ATM: variants seen among roughly 807,000 people sequenced by gnomAD.
ATM encodes the protein ATM serine/threonine kinase.
Under a neutral mutation model 387.0 loss-of-function variants are expected in ATM, and 308 were observed. The observed-to-expected ratio is 0.80, with a 90% CI of 0.73 to 0.87. The LOEUF is 0.87. ATM is among the 40% of genes least tolerant of loss of function. The probability of loss-of-function intolerance (pLI) is 0.00; values close to 1 mark genes in which losing one functional copy is unlikely to be tolerated. For synonymous variants in ATM, 1,156 were observed against 1,187.3 expected (o/e 0.97, Z 0.54); for missense variants, 3,312 against 3,560.9 (o/e 0.93, Z 1.78).
In ATM at chr11:108,247,145, T is replaced by A. The variant is rs774940342; in HGVS notation, c.1065+18T>A. The A allele has an allele frequency of 1.2e-6, 2 of 1,613,138 alleles. No individual in the cohort carries two copies. The highest frequency in any genetic ancestry group is 2.2e-5 in the East Asian group (1 of 44,798). On this transcript the variant is annotated intron_variant, in intron 8 of 62. Transcript: ENST00000675843. Reference sequence around the variant, plus strand: ...GTCACCAGGTACAGTAAGTAGGTCATGTCACATTTAGAAATTTCCTGTTAA... The same window carrying A: ...GTCACCAGGTACAGTAAGTAGGTCAAGTCACATTTAGAAATTTCCTGTTAA...
chr11:108,283,122 A>T (rs532219623), intron 25 of ATM, among the ~76,000 whole-genome samples: 2 of 152,308 alleles, frequency 1.3e-5, no homozygotes, highest in South Asian at 4.1e-4. Context: ...AACCACATAA[A>T]GACCCTCTAT....
At chr11:108,312,774 C>T (rs2084288610) in intron 40 of ATM, among the ~76,000 whole-genome samples, 1 of 152,130 alleles carries the variant, frequency 6.6e-6, no homozygotes, top group Non-Finnish European at 1.5e-5. Context: ...TGCCATAGCA[C>T]CCTGTTCATT....
rs1030136462 is a variant in ATM, at chr11:108,368,058, A to G, written c.*2550A>G. On this transcript the variant is annotated 3_prime_UTR_variant, in exon 63 of 63. Coordinates refer to ENST00000675843, the MANE Select transcript of ATM (RefSeq NM_000051.4). ...CAGAGAGCTTTGAATAACATCATTA[A>G]TCTACTCTTTAGCCTTGCATGGTAT... 1 of 208,166 alleles carries G rather than the reference A, an allele frequency of 4.8e-6. No homozygotes were observed. The allele number at this position is 208,166 out of a possible 1,614,324, so 12.9% of individuals were successfully genotyped here.
At chr11:108,243,206 A>G (rs1182426168) in intron 5 of ATM, among the ~76,000 whole-genome samples, 1 of 152,206 alleles carries the variant, frequency 6.6e-6, no homozygotes, top group East Asian at 1.9e-4. Flanking sequence ...GTGACAGAGT[A>G]AGACTCTACC....
In ATM at chr11:108,229,254, G is replaced by A. The variant is rs1591451921; in HGVS notation, c.262G>A (p.Ala88Thr). Reference protein sequence around the residue: ...AKPNVSASTQASRQKKMQEIS... With the variant: ...AKPNVSASTQTSRQKKMQEIS... ...ACCAAATGTATCAGCCTCAACACAA[G>A]CCTCCAGGCAGAAAAAGATGCAGGA... The change falls in exon 4 of 63, where the codon GCC (alanine) becomes ACC (threonine). Residue 88 changes from alanine to threonine, a missense_variant. This residue lies in a region of ATM where 1,791 missense variants were observed against 1,804.5 expected (regional missense o/e 0.99). Coordinates refer to ENST00000675843, the MANE Select transcript of ATM (RefSeq NM_000051.4). 2 of 1,613,630 alleles carry A rather than the reference G, an allele frequency of 1.2e-6. No individual in the cohort carries two copies. Among genetic ancestry groups the A allele is most frequent in the Non-Finnish European group, 1.7e-6 (2 of 1,179,822 alleles).
In ATM at chr11:108,246,942, A is replaced by C. The variant is rs766650801; in HGVS notation, c.902-22A>C. On this transcript the variant is annotated intron_variant, in intron 7 of 62. Transcript: ENST00000675843. ...AACAGAGTACATACATAAAAATTAC[A>C]TTTTAATTTTTTGGATTACAGGTGC... The C allele has an allele frequency of 8.8e-6, 14 of 1,585,250 alleles. No homozygotes were observed. Among genetic ancestry groups the C allele is most frequent in the Non-Finnish European group, 1.2e-5 (14 of 1,156,582 alleles).
intron 26 of ATM, among the ~76,000 whole-genome samples, chr11:108,285,878 T>TGA (rs2082465338): frequency 6.6e-6 from 1 of 152,164 alleles, no homozygotes; most frequent in South Asian, 2.1e-4. Flanking sequence ...TTACTATTCT[T>TGA]TTCTTAATGT....
At chr11:108,319,455 C>A (rs771838520) in intron 43 of ATM, among the ~76,000 whole-genome samples, 1 of 152,218 alleles carries the variant, frequency 6.6e-6, no homozygotes, top group Middle Eastern at 3.4e-3. Context: ...TCTTTTCATT[C>A]GGACCCTAGT....
rs786202933 is a variant in ATM, at chr11:108,353,809, A to G, written c.8715A>G (p.Thr2905=). 6.2e-7 allele frequency: 1 copy of G among 1,614,136 alleles called. No homozygotes were observed. Among genetic ancestry groups the G allele is most frequent in the Admixed American group, 1.7e-5 (1 of 60,018 alleles). Reference sequence around the variant, plus strand: ...GCAAAATCCTTCCTACTCCTGAGACAGTTCCTTTTAGACTCACCAGAGATA... The same window carrying G: ...GCAAAATCCTTCCTACTCCTGAGACGGTTCCTTTTAGACTCACCAGAGATA... The part of the protein sequence containing the change: ...EQGKILPTPE[T]VPFRLTRDIV... The change falls in exon 60 of 63, where the codon ACA becomes ACG. Residue 2905 remains threonine, a synonymous_variant. Transcript: ENST00000675843.
intron 38 of ATM, 199 bp downstream of exon 38, chr11:108,308,183 T>G (rs1591733978): frequency 1.7e-6 from 1 of 598,222 alleles, no homozygotes; most frequent in East Asian, 3.0e-5. Flanking sequence ...CTCTCAATTC[T>G]AGTACCAGCT....
intron 7 of ATM, among the ~76,000 whole-genome samples, chr11:108,245,562 T>C (rs2079805879): frequency 6.6e-6 from 1 of 152,136 alleles, no homozygotes; most frequent in Non-Finnish European, 1.5e-5. Flanking sequence ...GTATCACTTG[T>C]TAAGGAGAAT....
intron 10 of ATM, 57 bp downstream of exon 10, chr11:108,251,129 C>A (rs2080128123): frequency 1.2e-6 from 2 of 1,606,432 alleles, no homozygotes; most frequent in East Asian, 2.2e-5. Flanking sequence ...GACACACACA[C>A]ACTCACATAT....
intron 48 of ATM, among the ~76,000 whole-genome samples, 156 bp downstream of exon 48, chr11:108,327,914 T>C (rs539331836): frequency 1.3e-5 from 2 of 152,210 alleles, no homozygotes; most frequent in African/African-American, 2.4e-5. Flanking sequence ...TAGGGTGGAG[T>C]GAAACATTGT....
chr11:108,254,099 G>A (rs895785867), intron 13 of ATM, 60 bp downstream of exon 13: 3 of 1,538,074 alleles, frequency 2.0e-6, no homozygotes, highest in African/African-American at 2.7e-5. Context: ...TAAACTGTTA[G>A]GAAGGAGAAA....
In ATM at chr11:108,332,490, A is replaced by G. The variant is rs147859136; in HGVS notation, c.7789-272A>G. On this transcript the variant is annotated intron_variant, in intron 52 of 62. Coordinates refer to ENST00000675843, the MANE Select transcript of ATM (RefSeq NM_000051.4). ...GTTCAAAATTCCTTAATATTTGTCA[A>G]AGCATAGGAGATACCAGTAGTAGTT... Among the ~76,000 whole-genome samples, 1,228 of 152,242 alleles carry G rather than the reference A, an allele frequency of 8.1e-3. 9 individuals carry two copies. The highest frequency in any genetic ancestry group is 0.025 in the African/African-American group (1,051 of 41,526).
intron 61 of ATM, among the ~76,000 whole-genome samples, chr11:108,361,197 A>G (rs1208322184): frequency 1.8e-5 from 2 of 108,476 alleles, no homozygotes; most frequent in East Asian, 5.0e-4. Context: ...CCCATTCACA[A>G]TTGCTTCAAA....
At chr11:108,274,912 C>T (rs2081853414) in intron 22 of ATM, among the ~76,000 whole-genome samples, 1 of 152,134 alleles carries the variant, frequency 6.6e-6, no homozygotes, top group South Asian at 2.1e-4. Flanking sequence ...GGTTCAAGTC[C>T]TGAATATCCT....
chr11:108,228,907 A>C (rs2078869767), intron 3 of ATM, among the ~76,000 whole-genome samples: 1 of 152,226 alleles, frequency 6.6e-6, no homozygotes, highest in Admixed American at 6.5e-5. Flanking sequence ...CTAGCATTGT[A>C]AGCTTTTAAT....
intron 59 of ATM, among the ~76,000 whole-genome samples, chr11:108,349,833 A>G (rs1168868216): frequency 6.6e-6 from 1 of 152,170 alleles, no homozygotes; most frequent in Non-Finnish European, 1.5e-5. Context: ...GATAATTGAA[A>G]TAGCAAGGGA....
Sources: gnomAD v4.1 joint callset for allele counts (sites outside exome capture counted in the v4.1 genomes callset) on GRCh38, gnomAD v4.1.1 for gene constraint, gnomAD v4.1.1 regional missense constraint, MANE v1.5 for transcripts, NCBI Gene and HGNC (gene_info 2026-07-23, HGNC 2026-07-21) for gene names.